The following EIF4G3 variants were observed in gnomAD, a reference collection of about 807,000 sequenced individuals.
EIF4G3 encodes the protein eukaryotic translation initiation factor 4 gamma 3.
Under a neutral mutation model 186.4 loss-of-function variants are expected in EIF4G3, and 34 were observed. The ratio of observed to expected loss-of-function variants is 0.18; its 90% CI spans 0.14 to 0.24. EIF4G3 has a LOEUF of 0.24. Ranked by LOEUF, EIF4G3 falls within the 10% of genes least tolerant of loss-of-function variation. The pLI, the probability that EIF4G3 is intolerant of heterozygous loss-of-function variation, is 1.00. For synonymous variants in EIF4G3, 673 were observed against 679.5 expected (o/e 0.99, Z 0.15); for missense variants, 1,536 against 1,948.5 (o/e 0.79, Z 3.99).
chr1:20,821,356 T>C (rs1322967414), intron 33 of EIF4G3, among the ~76,000 whole-genome samples: 1 of 152,234 alleles, frequency 6.6e-6, no homozygotes, highest in African/African-American at 2.4e-5. Context: ...CTGGGCTGGG[T>C]ACTGGTAAGT....
intron 2 of EIF4G3, among the ~76,000 whole-genome samples, chr1:21,124,102 C>CTT (rs1467762084): frequency 1.3e-5 from 2 of 151,990 alleles, no homozygotes; most frequent in Non-Finnish European, 1.5e-5. Context: ...ACCAGCCTAG[C>CTT]CAACATGATG....
intron 2 of EIF4G3, among the ~76,000 whole-genome samples, chr1:21,146,422 A>G (rs2097442713): frequency 6.6e-6 from 1 of 152,226 alleles, no homozygotes; most frequent in African/African-American, 2.4e-5. Flanking sequence ...GTTAATTTCA[A>G]TAACTAATGA....
At chr1:20,904,381 T>G (rs924216492) in intron 15 of EIF4G3, among the ~76,000 whole-genome samples, 1 of 152,234 alleles carries the variant, frequency 6.6e-6, no homozygotes, top group African/African-American at 2.4e-5. Flanking sequence ...TGTTTCACTG[T>G]GTTGCCCAGG....
intron 14 of EIF4G3, 33 bp from the exon 15 acceptor site, chr1:20,905,004 C>T (rs1278113340): frequency 6.6e-7 from 1 of 1,505,904 alleles, no homozygotes; most frequent in Admixed American, 1.7e-5. Context: ...TTACTTGCCA[C>T]TGCAAAGTCA....
intron 12 of EIF4G3, among the ~76,000 whole-genome samples, chr1:20,968,849 C>T (rs1034500543): frequency 2.8e-4 from 43 of 151,976 alleles, no homozygotes; most frequent in African/African-American, 5.8e-4. Context: ...GCAAATACTA[C>T]GCCATTTTAC....
intron 16 of EIF4G3, among the ~76,000 whole-genome samples, chr1:20,898,531 TTTA>T (rs2089208435): frequency 6.6e-6 from 1 of 152,156 alleles, no homozygotes; most frequent in African/African-American, 2.4e-5. Flanking sequence ...ACTGACATTT[TTTA>T]TTATATTATC....
At chr1:20,901,399 A>T (rs1264510659) in intron 15 of EIF4G3, among the ~76,000 whole-genome samples, 1 of 152,142 alleles carries the variant, frequency 6.6e-6, no homozygotes, top group African/African-American at 2.4e-5. Flanking sequence ...ATAATCTGAG[A>T]TATCAGTATG....
rs552458479 is a variant in EIF4G3, at chr1:20,944,133, A to G, written c.824-1803T>C. 6.6e-5 allele frequency among the ~76,000 whole-genome samples: 10 copies of G among 152,052 alleles called. No individual in the cohort carries two copies. The South Asian group carries it at 8.3e-4, about 13-fold the overall frequency. On this transcript the variant is annotated intron_variant, in intron 13 of 36. Transcript: ENST00000602326. ...AATAATTTCCAGCTCACTGGAGTAA[A>G]TAAGTCACCCAGATTACATAATACC...
At chr1:20,901,863 C>T (rs1395585564) in intron 15 of EIF4G3, among the ~76,000 whole-genome samples, 1 of 151,880 alleles carries the variant, frequency 6.6e-6, no homozygotes, top group African/African-American at 2.4e-5. Flanking sequence ...CAAAGGTAAA[C>T]CTTTTATAGG....
chr1:20,824,270 CA>C (rs926706928), intron 33 of EIF4G3, among the ~76,000 whole-genome samples: 2 of 152,166 alleles, frequency 1.3e-5, no homozygotes, highest in Non-Finnish European at 2.9e-5. Flanking sequence ...AGACTACAAC[CA>C]AAAAGAAAGC....
chr1:20,991,161 C>T (rs1190446811), intron 7 of EIF4G3, among the ~76,000 whole-genome samples: 2 of 152,010 alleles, frequency 1.3e-5, no homozygotes. Context: ...TATTTCCCGG[C>T]ATGTGGTCAA....
intron 29 of EIF4G3, among the ~76,000 whole-genome samples, chr1:20,848,916 G>A (rs1026579580): frequency 2.0e-5 from 3 of 151,524 alleles, no homozygotes; most frequent in Non-Finnish European, 2.9e-5. Flanking sequence ...GCATGGTGAC[G>A]GGCACCTGTA....
chr1:20,959,359 A>G (rs144539791), intron 12 of EIF4G3, among the ~76,000 whole-genome samples: 4 of 152,088 alleles, frequency 2.6e-5, no homozygotes, highest in Non-Finnish European at 5.9e-5. Context: ...AACGATCCCT[A>G]TTTCTCACCT....
chr1:21,009,747 C>T (rs1021798856), intron 4 of EIF4G3, among the ~76,000 whole-genome samples: 2 of 151,132 alleles, frequency 1.3e-5, no homozygotes, highest in Admixed American at 1.3e-4. Flanking sequence ...CTCCACCTCC[C>T]GGGTTCAAGG....
At chr1:20,892,602 C>A (rs1015304410) in intron 18 of EIF4G3, 1 of 1,476,456 alleles carries the variant, frequency 6.8e-7, no homozygotes, top group African/African-American at 1.4e-5. Flanking sequence ...TTACAAAAAA[C>A]AAAGTGTTCA....
At chr1:21,094,113 T>A (rs1408453125) in intron 2 of EIF4G3, among the ~76,000 whole-genome samples, 4 of 151,830 alleles carry the variant, frequency 2.6e-5, no homozygotes, top group Non-Finnish European at 5.9e-5. Context: ...AAAAAAATTT[T>A]TTTTTTTTTT....
intron 2 of EIF4G3, among the ~76,000 whole-genome samples, chr1:21,103,074 G>C (rs1298647172): frequency 6.6e-6 from 1 of 152,138 alleles, no homozygotes; most frequent in African/African-American, 2.4e-5. Context: ...AAAGCACATG[G>C]ATCTCCTCAT....
At chr1:20,836,335 C>T (rs1233143134) in intron 30 of EIF4G3, among the ~76,000 whole-genome samples, 9 of 152,116 alleles carry the variant, frequency 5.9e-5, no homozygotes, top group Non-Finnish European at 1.2e-4. Flanking sequence ...CTTGAACTCC[C>T]GGGCTCAAGC....
chr1:20,841,321 T>G (rs1179480326), intron 29 of EIF4G3: 2 of 195,562 alleles, frequency 1.0e-5, no homozygotes, highest in Non-Finnish European at 1.0e-5. Flanking sequence ...TAAAAAAAAT[T>G]TTATAATGAT....
Sources: allele counts gnomAD v4.1 joint callset (sites outside exome capture counted in the v4.1 genomes callset), GRCh38; gene constraint gnomAD v4.1.1; transcripts MANE v1.5; gene names NCBI Gene and HGNC (gene_info 2026-07-23, HGNC 2026-07-21).